The following VWF variants were observed in gnomAD, a reference collection of about 807,000 sequenced individuals.
The protein encoded by VWF is Factor VIII related antigen.
VWF carries 176 observed loss-of-function variants against 308.6 expected under a neutral mutation model. The observed-to-expected ratio is 0.57, with a 90% CI of 0.50 to 0.65. The LOEUF (loss-of-function observed/expected upper bound fraction) is 0.65, where lower values mean the gene tolerates loss of function less well. VWF is among the 30% of genes least tolerant of loss of function. VWF has a pLI of 0.00. For synonymous variants in VWF, 1,385 were observed against 1,443.4 expected (o/e 0.96, Z 0.92); for missense variants, 3,146 against 3,648.2 (o/e 0.86, Z 3.55).
At chr12:5,984,968 C>T (rs1943661038) in intron 40 of VWF, 77 bp downstream of exon 40, 4 of 1,489,088 alleles carry the variant, frequency 2.7e-6, no homozygotes, top group South Asian at 1.1e-5. Flanking sequence ...AACAGAGACA[C>T]CTTTCAGCAC....
intron 16 of VWF, among the ~76,000 whole-genome samples, chr12:6,050,368 A>C (rs965604943): frequency 2.6e-5 from 4 of 152,152 alleles, no homozygotes; most frequent in Admixed American, 2.6e-4. Flanking sequence ...GGTCAACGTC[A>C]ACATTTTCCT....
chr12:6,097,211 T>G (rs545467366), intron 5 of VWF, among the ~76,000 whole-genome samples: 1 of 151,554 alleles, frequency 6.6e-6, no homozygotes, highest in Non-Finnish European at 1.5e-5. Context: ...CCAAGGAGGG[T>G]GGATCACGAG....
chr12:6,054,607 A>G (rs1279920362), intron 15 of VWF, among the ~76,000 whole-genome samples: 2 of 152,224 alleles, frequency 1.3e-5, no homozygotes, highest in African/African-American at 2.4e-5. Flanking sequence ...CCAGGGAGGC[A>G]GAGATGGCCA....
chr12:5,953,024 C>A (rs577991787), intron 48 of VWF, among the ~76,000 whole-genome samples: 1 of 152,120 alleles, frequency 6.6e-6, no homozygotes, highest in Non-Finnish European at 1.5e-5. Flanking sequence ...GTCAAGAGAT[C>A]GAGACCATCC....
chr12:5,969,509 G>C, intron 44 of VWF, 118 bp from the exon 45 acceptor site: 1 of 1,241,540 alleles, frequency 8.1e-7, no homozygotes, highest in Non-Finnish European at 1.1e-6. Context: ...GGCTTAACAT[G>C]TAAGTCCCAC....
chr12:5,971,987 A>G (rs1243565403), intron 43 of VWF, among the ~76,000 whole-genome samples: 1 of 152,206 alleles, frequency 6.6e-6, no homozygotes, highest in East Asian at 1.9e-4. Context: ...AGCATTAAAG[A>G]CAGCCCAGAG....
At chr12:6,013,205 A>G (rs1447871907) in intron 32 of VWF, among the ~76,000 whole-genome samples, 1 of 152,194 alleles carries the variant, frequency 6.6e-6, no homozygotes, top group Non-Finnish European at 1.5e-5. Context: ...CCCTCTACAC[A>G]AATAAGCTTA....
intron 6 of VWF, among the ~76,000 whole-genome samples, chr12:6,092,618 A>AGTGTGTGAGT (rs1945055553): frequency 1.5e-5 from 1 of 66,150 alleles, no homozygotes; most frequent in Non-Finnish European, 2.9e-5. Context: ...AGTGAGTGAG[A>AGTGTGTGAGT]GTGTGTGTGT....
chr12:6,101,013 A>G lies in VWF; in HGVS notation c.533-5429T>C, dbSNP rs111538472. Among the ~76,000 whole-genome samples the G allele has an allele frequency of 8.5e-5, 13 of 152,352 alleles. 1 individual carries two copies. Among genetic ancestry groups the G allele is most frequent in the South Asian group, 6.2e-4 (3 of 4,830 alleles). On this transcript the variant is annotated intron_variant, in intron 5 of 51. Coordinates refer to ENST00000261405, the MANE Select transcript of VWF (RefSeq NM_000552.5). ...TTAAAATTATTGTTGTAAAGAAGAAATGGAAATTTCATAAAAGAACAAGAT... is the reference window on the plus strand; with the variant it reads ...TTAAAATTATTGTTGTAAAGAAGAAGTGGAAATTTCATAAAAGAACAAGAT...
At chr12:6,119,418 A>G (rs1280008074) in intron 3 of VWF, among the ~76,000 whole-genome samples, 2 of 152,144 alleles carry the variant, frequency 1.3e-5, no homozygotes, top group Non-Finnish European at 2.9e-5. Flanking sequence ...TGACCTCCCC[A>G]GGGCTCCATG....
rs189282074 is a variant in VWF at position 6,048,888 on chromosome 12, C to T, written c.2187-2071G>A. ...ACCCGTGCCTTCTTCTGGTTTTTAA[C>T]TAATACCTAGTTTTAAGGGAGAAAA... On this transcript the variant is annotated intron_variant, in intron 16 of 51. Coordinates refer to ENST00000261405, the MANE Select transcript of VWF (RefSeq NM_000552.5). 8.5e-5 allele frequency among the ~76,000 whole-genome samples: 13 copies of T among 152,326 alleles called. No individual in the cohort carries two copies. The East Asian group carries it at 2.5e-3, about 29-fold the overall frequency.
intron 43 of VWF, among the ~76,000 whole-genome samples, chr12:5,973,079 G>A (rs1943494574): frequency 6.6e-6 from 1 of 152,138 alleles, no homozygotes; most frequent in Non-Finnish European, 1.5e-5. Context: ...AGCCCCACTA[G>A]CTTCTCAAAC....
chr12:6,044,677 A>T (rs1944430075), intron 17 of VWF, among the ~76,000 whole-genome samples: 1 of 151,980 alleles, frequency 6.6e-6, no homozygotes. Flanking sequence ...AGCTCTTCTG[A>T]CCCCAGCTCT....
chr12:6,027,341 T>C (rs1389471626), intron 22 of VWF, among the ~76,000 whole-genome samples: 2 of 152,230 alleles, frequency 1.3e-5, no homozygotes, highest in Admixed American at 1.3e-4. Context: ...ATTCCCTCCC[T>C]TCCCCAAAGA....
rs1229563586 is a variant in VWF, at chr12:6,103,395, TACACGTGTGTGTATAC to T, written c.532+6963_532+6978del. ...GTGTGTGTGTATACACGTGTGTGTA[TACACGTGTGTGTATAC>T]ACACGTGTGTGTATACACACGTGTG... On this transcript the variant is annotated intron_variant, in intron 5 of 51. Coordinates refer to ENST00000261405, the MANE Select transcript of VWF (RefSeq NM_000552.5). Among the ~76,000 whole-genome samples, 288 of 106,640 alleles carry T rather than the reference TACACGTGTGTGTATAC, an allele frequency of 2.7e-3. 12 individuals are homozygous for T. The highest frequency in any genetic ancestry group is 0.014 in the East Asian group (65 of 4,786). 70.0% of individuals were successfully genotyped at this position (106,640 alleles called of 152,430 possible). A position where few individuals can be genotyped will look rare whatever the true frequency, so the allele number is the denominator to read the frequency against.
chr12:5,984,267 C>T (rs1384158341), intron 40 of VWF, among the ~76,000 whole-genome samples: 1 of 152,210 alleles, frequency 6.6e-6, no homozygotes, highest in Admixed American at 6.5e-5. Context: ...TAAATGATCC[C>T]TCTAGTTCTC....
intron 38 of VWF, among the ~76,000 whole-genome samples, chr12:5,988,060 T>C (rs1943699211): frequency 6.6e-6 from 1 of 152,148 alleles, no homozygotes. Flanking sequence ...TCCACTAAGA[T>C]TGGGCACTCC....
intron 37 of VWF, among the ~76,000 whole-genome samples, chr12:5,992,339 C>T (rs1358281802): frequency 6.6e-6 from 1 of 152,198 alleles, no homozygotes; most frequent in Non-Finnish European, 1.5e-5. Flanking sequence ...GCTATGCATG[C>T]TCCTTGTCCC....
intron 6 of VWF, among the ~76,000 whole-genome samples, chr12:6,081,042 C>T (rs897447970): frequency 6.6e-6 from 1 of 152,196 alleles, no homozygotes; most frequent in Non-Finnish European, 1.5e-5. Context: ...GGGCTATTGG[C>T]TCATAGAGCT....
Sources: allele counts gnomAD v4.1 joint callset (sites outside exome capture counted in the v4.1 genomes callset), GRCh38; gene constraint gnomAD v4.1.1; transcripts MANE v1.5; gene names NCBI Gene and HGNC (gene_info 2026-07-23, HGNC 2026-07-21).